The following CCDC91 variants were observed in gnomAD, a reference collection of about 807,000 sequenced individuals.
CCDC91 encodes coiled-coil domain containing 91.
Under a neutral mutation model 63.2 loss-of-function variants are expected in CCDC91, and 48 were observed. That is an observed-to-expected ratio of 0.76 (90% CI 0.60 to 0.97). The LOEUF is 0.97. Among genes scored for constraint, CCDC91 ranks in the 50% least tolerant of loss-of-function variants. The probability of loss-of-function intolerance (pLI) is 0.00; values close to 1 mark genes in which losing one functional copy is unlikely to be tolerated. For missense variants in CCDC91, 500 were observed against 494.6 expected (o/e 1.01, Z -0.10); for synonymous variants, 167 against 165.8 (o/e 1.01, Z -0.06).
At chr12:28,436,407 G>A (rs909453126) in intron 8 of CCDC91, among the ~76,000 whole-genome samples, 1 of 151,386 alleles carries the variant, frequency 6.6e-6, no homozygotes, top group Non-Finnish European at 1.5e-5. Flanking sequence ...CTTCCATTCT[G>A]TCCCTTGTAT....
chr12:28,352,378 A>G (rs1284680873), intron 6 of CCDC91, among the ~76,000 whole-genome samples: 2 of 152,170 alleles, frequency 1.3e-5, no homozygotes, highest in Non-Finnish European at 2.9e-5. Flanking sequence ...GTGTGATAGC[A>G]TTTTACCCAA....
intron 8 of CCDC91, among the ~76,000 whole-genome samples, chr12:28,447,847 G>T (rs149376513): frequency 2.5e-5 from 1 of 39,422 alleles, no homozygotes; most frequent in Non-Finnish European, 6.0e-5. Context: ...AAGGGGAGGG[G>T]AGGGGAGGGG....
chr12:28,506,069 TTTAG>T (rs1565491942), intron 12 of CCDC91, among the ~76,000 whole-genome samples: 4 of 152,146 alleles, frequency 2.6e-5, no homozygotes. Context: ...TTGTATTTAC[TTTAG>T]TTAAACAGTT....
intron 3 of CCDC91, among the ~76,000 whole-genome samples, chr12:28,267,680 G>GTTA (rs5797263): frequency 0.92 from 102,608 of 111,710 alleles, 48,011 homozygotes; most frequent in East Asian, 1. Context: ...TATATTATAT[G>GTTA]TTATATAAAT....
intron 8 of CCDC91, among the ~76,000 whole-genome samples, chr12:28,402,425 C>G (rs1234437547): frequency 6.6e-6 from 1 of 151,570 alleles, no homozygotes; most frequent in African/African-American, 2.4e-5. Flanking sequence ...TTTCATCTTC[C>G]ACTTGTTCAC....
At chr12:28,503,865 C>G (rs9738148) in intron 12 of CCDC91, among the ~76,000 whole-genome samples, 57,735 of 150,890 alleles carry the variant, frequency 0.38, 11,333 homozygotes, top group Middle Eastern at 0.47. Context: ...TGTTCTCACT[C>G]ATAGGTAGGA....
intron 12 of CCDC91, among the ~76,000 whole-genome samples, chr12:28,543,901 C>A (rs941462960): frequency 6.6e-6 from 1 of 151,998 alleles, no homozygotes; most frequent in Non-Finnish European, 1.5e-5. Flanking sequence ...CCATCAGCAA[C>A]TCAAGTTGGT....
chr12:28,287,068 T>A (rs1021252561), intron 3 of CCDC91, among the ~76,000 whole-genome samples: 1 of 152,164 alleles, frequency 6.6e-6, no homozygotes, highest in Non-Finnish European at 1.5e-5. Flanking sequence ...GTTTTTCTCT[T>A]GTAAATGTGT....
chr12:28,385,231 T>C (rs1945529263), intron 7 of CCDC91, among the ~76,000 whole-genome samples: 1 of 152,170 alleles, frequency 6.6e-6, no homozygotes, highest in African/African-American at 2.4e-5. Flanking sequence ...TGATACTTTA[T>C]GATTATTTTG....
chr12:28,271,839 G>A (rs889623280), intron 3 of CCDC91, among the ~76,000 whole-genome samples: 3 of 149,728 alleles, frequency 2.0e-5, no homozygotes, highest in African/African-American at 4.9e-5. Context: ...TTTTAAATGT[G>A]TATATATATA....
At chr12:28,442,861 T>C (rs1455489408) in intron 8 of CCDC91, among the ~76,000 whole-genome samples, 1 of 152,096 alleles carries the variant, frequency 6.6e-6, no homozygotes, top group Non-Finnish European at 1.5e-5. Flanking sequence ...TTTGTTTGTT[T>C]TCATGAATGA....
At chr12:28,286,208 T>A (rs1948905414) in intron 3 of CCDC91, among the ~76,000 whole-genome samples, 1 of 152,136 alleles carries the variant, frequency 6.6e-6, no homozygotes, top group Non-Finnish European at 1.5e-5. Flanking sequence ...AAATAAAGCT[T>A]CTTTTTAAAA....
At chr12:28,429,507 A>T (rs777029249) in intron 8 of CCDC91, among the ~76,000 whole-genome samples, 11 of 151,690 alleles carry the variant, frequency 7.3e-5, no homozygotes, top group Non-Finnish European at 1.5e-4. Context: ...ATGAATTATA[A>T]TATATAATAA....
intron 6 of CCDC91, among the ~76,000 whole-genome samples, chr12:28,345,530 C>G (rs1942748258): frequency 6.6e-6 from 1 of 152,038 alleles, no homozygotes; most frequent in African/African-American, 2.4e-5. Context: ...TCTACACTTA[C>G]TGCAGTGTAA....
intron 12 of CCDC91, among the ~76,000 whole-genome samples, chr12:28,497,310 G>A (rs1952357320): frequency 1.3e-5 from 2 of 151,390 alleles, no homozygotes; most frequent in Admixed American, 1.3e-4. Context: ...TAAAACTGAA[G>A]AAAATAATGA....
intron 3 of CCDC91, among the ~76,000 whole-genome samples, chr12:28,293,562 G>A (rs1949370730): frequency 6.6e-6 from 1 of 152,098 alleles, no homozygotes; most frequent in Non-Finnish European, 1.5e-5. Flanking sequence ...GTCATGTTTT[G>A]CTTTCTCTTT....
At chr12:28,518,042 G>T (rs1271279193) in intron 12 of CCDC91, among the ~76,000 whole-genome samples, 1 of 151,920 alleles carries the variant, frequency 6.6e-6, no homozygotes, top group East Asian at 1.9e-4. Flanking sequence ...TTGATTGATG[G>T]GTTCCTGATG....
chr12:28,244,636 TCTGGTGATATGATG>T (rs1425701055), intron 1 of CCDC91, among the ~76,000 whole-genome samples: 2 of 151,070 alleles, frequency 1.3e-5, no homozygotes, highest in Non-Finnish European at 2.9e-5. Flanking sequence ...CATTTATATG[TCTGGTGATATGATG>T]CTGGCTGTTG....
intron 11 of CCDC91, among the ~76,000 whole-genome samples, chr12:28,472,003 A>G (rs1430430960): frequency 6.6e-6 from 1 of 152,136 alleles, no homozygotes; most frequent in East Asian, 1.9e-4. Context: ...AGCCCGCTTC[A>G]TCCTCCCAAA....
Sources: allele counts gnomAD v4.1 joint callset (sites outside exome capture counted in the v4.1 genomes callset), GRCh38; gene constraint gnomAD v4.1.1; transcripts MANE v1.5; gene names NCBI Gene and HGNC (gene_info 2026-07-23, HGNC 2026-07-21).